ESR1: variants seen among roughly 807,000 people sequenced by gnomAD.
The protein encoded by ESR1 is estrogen receptor 1.
ESR1 carries 12 observed loss-of-function variants against 52.7 expected under a neutral mutation model. That is an observed-to-expected ratio of 0.23 (90% CI 0.15 to 0.37). The LOEUF (loss-of-function observed/expected upper bound fraction) is 0.37, where lower values mean the gene tolerates loss of function less well. Ranked by LOEUF, ESR1 falls within the 10% of genes least tolerant of loss-of-function variation. The pLI, the probability that ESR1 is intolerant of heterozygous loss-of-function variation, is 1.00. For missense variants in ESR1, 584 were observed against 779.7 expected, an observed-to-expected ratio of 0.75 and a Z score of 2.99; for synonymous variants, 305 against 316.8, an observed-to-expected ratio of 0.96 and a Z score of 0.39.
At chr6:152,105,954 A>AT (rs950772654), downstream of ESR1, among the ~76,000 whole-genome samples, 14 of 143,078 alleles carry the variant, frequency 9.8e-5, no homozygotes, top group African/African-American at 2.3e-4. Context: ...CGCCCGGCTA[A>AT]TTTTTTGTAT....
chr6:152,055,032 G>A (rs1266318397), intron 5 of ESR1, among the ~76,000 whole-genome samples: 4 of 152,154 alleles, frequency 2.6e-5, no homozygotes, highest in Non-Finnish European at 5.9e-5. Flanking sequence ...GTTAAAGGGT[G>A]AGTAGCATTC....
intron 5 of ESR1, 43 bp from the exon 6 acceptor site, chr6:152,060,948 T>C (rs563397396): frequency 6.7e-7 from 1 of 1,485,068 alleles, no homozygotes; most frequent in Admixed American, 2.0e-5. Context: ...TTCTGTTTTT[T>C]AATCTTTTTA....
At chr6:151,853,097 G>A (rs2431261) in intron 2 of ESR1, among the ~76,000 whole-genome samples, 2 of 142,696 alleles carry the variant, frequency 1.4e-5, no homozygotes, top group Admixed American at 7.3e-5. Flanking sequence ...GCTTGAACTC[G>A]AGAGGTGGAG....
At chr6:151,982,306 T>C (rs2040066670) in intron 4 of ESR1, among the ~76,000 whole-genome samples, 4 of 152,236 alleles carry the variant, frequency 2.6e-5, no homozygotes. Flanking sequence ...GCGCTTATGT[T>C]TCCTTTCTGG....
upstream of ESR1, among the ~76,000 whole-genome samples, chr6:151,806,557 T>TATATATATATATATATATATATAC (rs1554259008): frequency 1.1e-3 from 145 of 133,706 alleles, 7 homozygotes; most frequent in Non-Finnish European, 1.5e-3. Flanking sequence ...TATATATATA[T>TATATATATATATATATATATATAC]ACACATATAT....
intron 6 of ESR1, among the ~76,000 whole-genome samples, chr6:152,085,919 A>G (rs375857056): frequency 5.9e-5 from 9 of 152,306 alleles, no homozygotes; most frequent in African/African-American, 1.2e-4. Flanking sequence ...GGAAAACACA[A>G]TCTTCCACAG....
At chr6:152,059,319 T>A (rs1382771752) in intron 5 of ESR1, among the ~76,000 whole-genome samples, 2 of 151,928 alleles carry the variant, frequency 1.3e-5, no homozygotes, top group South Asian at 2.1e-4. Flanking sequence ...TGTAAAATTT[T>A]TTTATTTATT....
intron 2 of ESR1, among the ~76,000 whole-genome samples, chr6:151,795,487 CAAAA>C (rs61142527): frequency 1.2e-5 from 1 of 83,330 alleles, no homozygotes; most frequent in Non-Finnish European, 2.8e-5. Context: ...GACTCCATCT[CAAAA>C]AAAAAAAAAA....
chr6:151,764,408 T>A (rs1166126075), intron 2 of ESR1, among the ~76,000 whole-genome samples: 1 of 152,178 alleles, frequency 6.6e-6, no homozygotes, highest in Non-Finnish European at 1.5e-5. Flanking sequence ...GTTTTTACTT[T>A]GGAGAAGGAC....
chr6:152,124,484 C>G (rs2052617867), intron 6 of ESR1, among the ~76,000 whole-genome samples: 1 of 152,220 alleles, frequency 6.6e-6, no homozygotes, highest in Non-Finnish European at 1.5e-5. Flanking sequence ...CTCACTTCAT[C>G]TCTAGGTGTC....
chr6:151,834,152 G>A lies in ESR1; in HGVS notation c.453-8445G>A, dbSNP rs147869858. Among the ~76,000 whole-genome samples, 1,448 of 152,248 alleles carry A rather than the reference G, an allele frequency of 9.5e-3. 9 individuals are homozygous for A. The highest frequency in any genetic ancestry group is 0.016 in the Non-Finnish European group (1,068 of 68,010). Reference sequence around the variant, plus strand: ...GAAGACAGTGTGATGATCCCTCAAGGATCTAGAACCAGAAATACCATTTGG... The same window carrying A: ...GAAGACAGTGTGATGATCCCTCAAGAATCTAGAACCAGAAATACCATTTGG... On this transcript the variant is annotated intron_variant, in intron 1 of 7. Coordinates refer to ENST00000206249, the MANE Select transcript of ESR1 (RefSeq NM_000125.4).
At chr6:151,672,053 A>G (rs1367724523) in intron 1 of ESR1, among the ~76,000 whole-genome samples, 1 of 151,188 alleles carries the variant, frequency 6.6e-6, no homozygotes. Context: ...GGCTGGTCTC[A>G]GACTCCTGGG....
chr6:151,901,008 A>G (rs1796591426), intron 3 of ESR1, among the ~76,000 whole-genome samples: 1 of 152,238 alleles, frequency 6.6e-6, no homozygotes. Context: ...AGAACTCCCA[A>G]GAGTATATGA....
At chr6:151,806,530 G>GTATATGTATATATATATATATATATA (rs1554259016), upstream of ESR1, among the ~76,000 whole-genome samples, 6 of 96,468 alleles carry the variant, frequency 6.2e-5, no homozygotes, top group Non-Finnish European at 1.3e-4. Context: ...TCCTTAATAT[G>GTATATGTATATATATATATATATATA]TATATATATA....
chr6:151,673,865 A>G (rs1778162811), intron 1 of ESR1, among the ~76,000 whole-genome samples: 1 of 152,110 alleles, frequency 6.6e-6, no homozygotes, highest in Non-Finnish European at 1.5e-5. Context: ...TTGGAGTACA[A>G]ACTTTCAGCT....
intron 2 of ESR1, among the ~76,000 whole-genome samples, chr6:151,795,704 T>C (rs564839233): frequency 6.6e-6 from 1 of 152,296 alleles, no homozygotes; most frequent in South Asian, 2.1e-4. Flanking sequence ...ACATATTTAC[T>C]CATGTGCAAA....
At chr6:152,047,854 A>T (rs574825985) in intron 5 of ESR1, among the ~76,000 whole-genome samples, 42 of 151,326 alleles carry the variant, frequency 2.8e-4, no homozygotes, top group African/African-American at 1.0e-3. Context: ...GCCTGTGGCC[A>T]CTATGTGCTC....
intron 2 of ESR1, among the ~76,000 whole-genome samples, chr6:151,857,283 T>C (rs775929975): frequency 6.6e-6 from 1 of 152,170 alleles, no homozygotes; most frequent in Non-Finnish European, 1.5e-5. Flanking sequence ...TTGTATTAGG[T>C]ATTATAAATA....
At chr6:151,850,045 T>A (rs376466311) in intron 2 of ESR1, among the ~76,000 whole-genome samples, 80 of 22,610 alleles carry the variant, frequency 3.5e-3, no homozygotes, top group East Asian at 0.031. Flanking sequence ...TATATATAAT[T>A]TTATATATAT....
Sources: gnomAD v4.1 joint callset for allele counts (sites outside exome capture counted in the v4.1 genomes callset) on GRCh38, gnomAD v4.1.1 for gene constraint, MANE v1.5 for transcripts, NCBI Gene and HGNC (gene_info 2026-07-23, HGNC 2026-07-21) for gene names.